PAIP2B: variants seen among roughly 807,000 people sequenced by gnomAD.
PAIP2B encodes poly(A) binding protein interacting protein 2B, also known as polyadenylate-binding protein-interacting protein 2B.
Under a neutral mutation model 17.0 loss-of-function variants are expected in PAIP2B, and 13 were observed. The observed-to-expected ratio is 0.76, with a 90% CI of 0.50 to 1.22. PAIP2B has a LOEUF of 1.22. PAIP2B is among the 50% of genes most tolerant of loss of function. The pLI is 0.00. For missense variants in PAIP2B, 117 were observed against 144.5 expected, an observed-to-expected ratio of 0.81 and a Z score of 0.98; for synonymous variants, 43 against 48.7, an observed-to-expected ratio of 0.88 and a Z score of 0.48.
At chr2:71,214,740 C>T (rs1043247046) in intron 1 of PAIP2B, among the ~76,000 whole-genome samples, 1 of 152,172 alleles carries the variant, frequency 6.6e-6, no homozygotes, top group Non-Finnish European at 1.5e-5. Context: ...GCATCAGACA[C>T]ACTGAGGCAT....
chr2:71,219,811 AAAC>A (rs1252372591), intron 1 of PAIP2B, among the ~76,000 whole-genome samples: 1 of 152,178 alleles, frequency 6.6e-6, no homozygotes, highest in Non-Finnish European at 1.5e-5. Context: ...CTCCACAGCC[AAAC>A]ACTTTTAATT....
At chr2:71,194,092 C>T (rs1280920338) in intron 2 of PAIP2B, among the ~76,000 whole-genome samples, 1 of 152,104 alleles carries the variant, frequency 6.6e-6, no homozygotes, top group Non-Finnish European at 1.5e-5. Flanking sequence ...TGCTTTTGTA[C>T]CAGTACCATG....
In PAIP2B at chr2:71,202,533, CT is replaced by C; in HGVS notation, c.56del (p.Gln19ArgfsTer3). 1.9e-6 allele frequency: 3 copies of C among 1,613,806 alleles called. No homozygotes were observed. Among genetic ancestry groups the C allele is most frequent in the Non-Finnish European group, 2.5e-6 (3 of 1,179,740 alleles). ...CCTTTTCATCGTGCCCACTTAACCC[CT>C]GGTCCTCTTTGGATTTTACACTCGG... ...TSPSVKSKEDQGLSGHDEKEN... is the reference protein window; with the variant it reads ...TSPSVKSKEDXGLSGHDEKEN... On this transcript the variant is annotated frameshift_variant, in exon 2 of 4. Coordinates refer to ENST00000244221, the MANE Select transcript of PAIP2B (RefSeq NM_020459.1). LOFTEE classifies it high-confidence loss of function.
At chr2:71,208,430 CAA>C (rs60171186) in intron 1 of PAIP2B, among the ~76,000 whole-genome samples, 2 of 144,248 alleles carry the variant, frequency 1.4e-5, no homozygotes, top group East Asian at 2.0e-4. Context: ...TTCACCCCCC[CAA>C]AAAAAAAAGT....
intron 1 of PAIP2B, among the ~76,000 whole-genome samples, chr2:71,213,017 G>T (rs1412899971): frequency 6.6e-6 from 1 of 151,990 alleles, no homozygotes; most frequent in Admixed American, 6.6e-5. Context: ...CTCCCAAAGT[G>T]CCAGATTACA....
intron 1 of PAIP2B, among the ~76,000 whole-genome samples, chr2:71,219,102 T>G (rs1291538392): frequency 1.4e-5 from 2 of 140,394 alleles, no homozygotes; most frequent in East Asian, 2.2e-4. Flanking sequence ...TTTTTTTTTT[T>G]TGTATTTTTA....
chr2:71,217,358 G>A (rs1318575050), intron 1 of PAIP2B, among the ~76,000 whole-genome samples: 1 of 152,138 alleles, frequency 6.6e-6, no homozygotes, highest in Non-Finnish European at 1.5e-5. Flanking sequence ...GGTCAGGCTG[G>A]TCTCAAACTC....
At chr2:71,197,594 C>A (rs1299186922) in intron 2 of PAIP2B, among the ~76,000 whole-genome samples, 1 of 152,100 alleles carries the variant, frequency 6.6e-6, no homozygotes, top group Non-Finnish European at 1.5e-5. Context: ...GGATGGTATC[C>A]TTGTATTAGT....
rs189721089 is a variant in PAIP2B, at chr2:71,225,281, G to T, written c.-12+1647C>A. 8.5e-5 allele frequency among the ~76,000 whole-genome samples: 13 copies of T among 152,228 alleles called. 1 individual carries two copies. The highest frequency in any genetic ancestry group is 8.5e-4 in the Admixed American group (13 of 15,292). On this transcript the variant is annotated intron_variant, in intron 1 of 3. Transcript: ENST00000244221. ...AGATTTCTTTTAATTCACTATAATA[G>T]ACTTTTTTCTTTATATACAAGATAC...
intron 1 of PAIP2B, among the ~76,000 whole-genome samples, chr2:71,220,270 C>G (rs1675548568): frequency 6.6e-6 from 1 of 152,204 alleles, no homozygotes; most frequent in Non-Finnish European, 1.5e-5. Context: ...CAGCACGTAA[C>G]AAAAGATTCC....
chr2:71,209,363 A>G (rs1234413897), intron 1 of PAIP2B, among the ~76,000 whole-genome samples: 1 of 152,238 alleles, frequency 6.6e-6, no homozygotes, highest in Non-Finnish European at 1.5e-5. Flanking sequence ...GACAGGTTAT[A>G]CATACAGGAG....
intron 2 of PAIP2B, among the ~76,000 whole-genome samples, chr2:71,197,758 T>C (rs1674858618): frequency 6.6e-6 from 1 of 152,192 alleles, no homozygotes; most frequent in Non-Finnish European, 1.5e-5. Flanking sequence ...CTTACATGGA[T>C]GGCGGCAAGC....
chr2:71,200,007 A>C (rs1572926858), intron 2 of PAIP2B, among the ~76,000 whole-genome samples: 1 of 152,130 alleles, frequency 6.6e-6, no homozygotes, highest in Non-Finnish European at 1.5e-5. Context: ...TTTTCCCCCA[A>C]AACTACATTT....
At chr2:71,195,545 G>C (rs1674794505) in intron 2 of PAIP2B, among the ~76,000 whole-genome samples, 1 of 152,142 alleles carries the variant, frequency 6.6e-6, no homozygotes, top group African/African-American at 2.4e-5. Context: ...TTTTATTTCT[G>C]TGGGGTCAGT....
chr2:71,224,304 T>C (rs1156528883), intron 1 of PAIP2B, among the ~76,000 whole-genome samples: 1 of 152,256 alleles, frequency 6.6e-6, no homozygotes, highest in Non-Finnish European at 1.5e-5. Flanking sequence ...GAGTTGTTTT[T>C]AGGAATTAAT....
chr2:71,189,813 A>G (rs1208764989), intron 3 of PAIP2B, 32 bp downstream of exon 3: 2 of 1,520,954 alleles, frequency 1.3e-6, no homozygotes, highest in Admixed American at 2.0e-5. Context: ...TCTTTTCACT[A>G]CATAACCTGG....
intron 1 of PAIP2B, among the ~76,000 whole-genome samples, chr2:71,208,137 G>A (rs1383409497): frequency 6.6e-6 from 1 of 152,022 alleles, no homozygotes; most frequent in Non-Finnish European, 1.5e-5. Flanking sequence ...GAAAAGTCAG[G>A]TAGAAGCCGG....
In PAIP2B at chr2:71,187,545, T is replaced by C. The variant is rs1674570035; in HGVS notation, c.*934A>G. 6.6e-6 allele frequency: 1 copy of C among 152,160 alleles called. No homozygotes were observed. Among genetic ancestry groups the C allele is most frequent in the Non-Finnish European group, 1.5e-5 (1 of 68,028 alleles). 9.4% of individuals were successfully genotyped at this position (152,160 alleles called of 1,614,324 possible). A position where few individuals can be genotyped will look rare whatever the true frequency, so the allele number is the denominator to read the frequency against. ...AGACACCAGGAAGACCAAGTGTTGA[T>C]GAGGCTGGAAAAAAAAACTGTCCAA... is the stretch of plus-strand genomic sequence containing the variant. On this transcript the variant is annotated 3_prime_UTR_variant, in exon 4 of 4. Coordinates refer to ENST00000244221, the MANE Select transcript of PAIP2B (RefSeq NM_020459.1).
chr2:71,203,488 G>A lies in PAIP2B; in HGVS notation c.-11-888C>T, dbSNP rs59664068. Reference sequence around the variant, plus strand: ...TCCCACCAGTGGTGTGGAAGTGCCCGTTTCCCAACATTCATGAGTACTATC... The same window carrying A: ...TCCCACCAGTGGTGTGGAAGTGCCCATTTCCCAACATTCATGAGTACTATC... On this transcript the variant is annotated intron_variant, in intron 1 of 3. Transcript: ENST00000244221. 0.056 allele frequency among the ~76,000 whole-genome samples: 8,492 copies of A among 151,982 alleles called. 986 individuals are homozygous for A. The East Asian group carries it at 0.56, about 10-fold the overall frequency.
Sources: gnomAD v4.1 joint callset for allele counts (sites outside exome capture counted in the v4.1 genomes callset) on GRCh38, gnomAD v4.1.1 for gene constraint, MANE v1.5 for transcripts, NCBI Gene and HGNC (gene_info 2026-07-23, HGNC 2026-07-21) for gene names.